Variants in DGKA observed in about 807,000 individuals in gnomAD.
DGKA encodes the protein diacylglycerol kinase alpha, also known as 80 kDa diacylglycerol kinase.
DGKA carries 35 observed loss-of-function variants against 105.0 expected under a neutral mutation model. That is an observed-to-expected ratio of 0.33 (90% CI 0.25 to 0.44). The LOEUF (loss-of-function observed/expected upper bound fraction) is 0.44, where lower values mean the gene tolerates loss of function less well. Among genes scored for constraint, DGKA ranks in the 20% least tolerant of loss-of-function variants. DGKA has a pLI of 1.00. For missense variants in DGKA, 665 were observed against 915.0 expected (o/e 0.73, Z 3.53); for synonymous variants, 296 against 332.0 (o/e 0.89, Z 1.18).
At chr12:55,948,228 C>T (rs1040193920) in intron 17 of DGKA, among the ~76,000 whole-genome samples, 4 of 150,672 alleles carry the variant, frequency 2.7e-5, no homozygotes, top group African/African-American at 9.8e-5. Context: ...GGTGAAACCC[C>T]GTCTCTACTA....
chr12:55,952,259 G>A lies in DGKA; in HGVS notation c.1653-82G>A, dbSNP rs954972057. 8.6e-6 allele frequency: 13 copies of A among 1,518,416 alleles called. No individual in the cohort carries two copies. Among genetic ancestry groups the A allele is most frequent in the African/African-American group, 1.4e-5 (1 of 72,866 alleles). 94.1% of individuals were successfully genotyped at this position (1,518,416 alleles called of 1,614,324 possible). On this transcript the variant is annotated intron_variant, in intron 19 of 23. Transcript: ENST00000331886. This position sits in a 1 kb window ranked among gnomAD's most constrained non-coding sequence, Gnocchi z 5.1. ...ATGGGACTAAAGTTAGGAGGTTGAT[G>A]CCCTTCCCTGTCACGTACCACCCCT...
At chr12:55,941,137 A>C in intron 13 of DGKA, 115 bp from the exon 14 acceptor site, 1 of 1,360,168 alleles carries the variant, frequency 7.4e-7, no homozygotes, top group Admixed American at 2.0e-5. Context: ...GGGAAACAGG[A>C]GGGAGGGGGG....
chr12:55,929,485 A>C (rs190115993), upstream of DGKA: 3 of 152,238 alleles, frequency 2.0e-5, no homozygotes, highest in Non-Finnish European at 4.4e-5. Flanking sequence ...CTGCCTCAGC[A>C]CTAGGGTTGA....
Position 55,952,544 on chromosome 12 carries a change from C to T in DGKA, c.1743+113C>T, listed in dbSNP as rs1888373337. On this transcript the variant is annotated intron_variant, in intron 20 of 23. Transcript: ENST00000331886. This position sits in a 1 kb window ranked among gnomAD's most constrained non-coding sequence, Gnocchi z 5.1. ...TATTCTTGAACCTATGCTTCTTTAA[C>T]CTCCCAGCTCTCCTACCCCAATTCT... 2.4e-6 allele frequency: 3 copies of T among 1,244,188 alleles called. No individual in the cohort carries two copies. Among genetic ancestry groups the T allele is most frequent in the Non-Finnish European group, 3.5e-6 (3 of 856,624 alleles). 77.1% of individuals were successfully genotyped at this position (1,244,188 alleles called of 1,614,324 possible). A position where few individuals can be genotyped will look rare whatever the true frequency, so the allele number is the denominator to read the frequency against.
intron 9 of DGKA, 187 bp from the exon 10 acceptor site, chr12:55,939,895 G>C (rs1292217009): frequency 1.6e-6 from 1 of 617,528 alleles, no homozygotes; most frequent in African/African-American, 1.8e-5. Flanking sequence ...TGCAGTAGCA[G>C]CTGATCTTTT....
intron 17 of DGKA, among the ~76,000 whole-genome samples, chr12:55,943,634 ACTCTTTTTTTTTCTTTT>A (rs1886449430): frequency 6.7e-6 from 1 of 150,262 alleles, no homozygotes; most frequent in South Asian, 2.1e-4. Context: ...CTATGAGCAA[ACTCTTTTTTTTTCTTTT>A]CTCTTTTTTT....
chr12:55,928,139 A>G (rs972361153), upstream of DGKA: 3 of 240,000 alleles, frequency 1.3e-5, no homozygotes, highest in African/African-American at 6.8e-5. Flanking sequence ...CTTCAGGGCT[A>G]AGTCCTGTTA....
rs372514317 is a variant in DGKA at position 55,934,104 on chromosome 12, ACTT to A, written c.-81-2316_-81-2314del. On this transcript the variant is annotated intron_variant, in intron 1 of 23. Transcript: ENST00000331886. ...ATTCTCTTAACTTCTACTGTATACT[ACTT>A]CTCCAGGTTTAAGACCTGGGGAGCT... Among the ~76,000 whole-genome samples the A allele has an allele frequency of 4.5e-4, 68 of 152,214 alleles. 1 individual carries two copies. Among genetic ancestry groups the A allele is most frequent in the African/African-American group, 1.5e-3 (62 of 41,530 alleles).
At chr12:55,934,506 G>A (rs1378662330) in intron 1 of DGKA, among the ~76,000 whole-genome samples, 1 of 152,174 alleles carries the variant, frequency 6.6e-6, no homozygotes, top group Non-Finnish European at 1.5e-5. Context: ...AAAGTAGGCA[G>A]CAGAGATGTC....
At chr12:55,937,870 A>G (rs1885074407) in intron 4 of DGKA, 108 bp from the exon 5 acceptor site, 1 of 1,044,520 alleles carries the variant, frequency 9.6e-7, no homozygotes, top group Admixed American at 2.2e-5. Flanking sequence ...TCTCAAAAAA[A>G]TCAGTAAATC....
chr12:55,950,032 T>G (rs1887834188), intron 17 of DGKA, among the ~76,000 whole-genome samples: 1 of 151,860 alleles, frequency 6.6e-6, no homozygotes, highest in African/African-American at 2.4e-5. Flanking sequence ...TGGAGTGCAG[T>G]GGCGCAATCT....
chr12:55,940,888 C>T lies in DGKA; in HGVS notation c.1018-9C>T, dbSNP rs539111974. 2.2e-5 allele frequency: 36 copies of T among 1,613,890 alleles called. No homozygotes were observed. The South Asian group carries it at 3.8e-4, about 17-fold the overall frequency. On this transcript the variant is annotated splice_polypyrimidine_tract_variant and intron_variant, in intron 12 of 23. Coordinates refer to ENST00000331886, the MANE Select transcript of DGKA (RefSeq NM_001345.5). This position sits in a 1 kb window ranked among gnomAD's most constrained non-coding sequence, Gnocchi z 4.3. ...AGCTTTTCTTCCCTCTACTTTCTTC[C>T]CCTCCCAGGCCTCTGGACCGGATCG...
intron 23 of DGKA, 79 bp downstream of exon 23, chr12:55,953,489 C>T (rs375984974): frequency 2.0e-6 from 3 of 1,475,980 alleles, no homozygotes; most frequent in Admixed American, 1.7e-5. Flanking sequence ...AGCTTCTTTA[C>T]ACCCTTCTGA....
Position 55,952,310 on chromosome 12 carries a change from C to T in DGKA, c.1653-31C>T. On this transcript the variant is annotated intron_variant, in intron 19 of 23. Transcript: ENST00000331886. This position sits in a 1 kb window ranked among gnomAD's most constrained non-coding sequence, Gnocchi z 5.1. ...GCCAGCACTGTGTAACCTGTCCCTC[C>T]CTACTGGGCCTTGTGTTGGGGCTGA... 3 of 1,609,076 alleles carry T rather than the reference C, an allele frequency of 1.9e-6. No homozygotes were observed. Among genetic ancestry groups the T allele is most frequent in the Non-Finnish European group, 2.6e-6 (3 of 1,175,494 alleles).
At position 55,940,356 on chromosome 12, in the gene DGKA, C is replaced by A. The variant is rs758054607; in HGVS notation, c.841C>A (p.Arg281Ser). The A allele has an allele frequency of 1.2e-6, 2 of 1,614,128 alleles. No homozygotes were observed. The highest frequency in any genetic ancestry group is 4.5e-5 in the East Asian group (2 of 44,900). The change falls in exon 11 of 24, where the codon CGC becomes AGC. Residue 281 changes from arginine to serine, a missense_variant. By Grantham distance (110) the Arg-to-Ser change is moderately radical. Around this residue, in one of 3 missense-constraint regions of DGKA, gnomAD observed 504 missense variants for 681.2 expected, o/e 0.74. Transcript: ENST00000331886. The surrounding 1 kb of genome is among the most constrained non-coding windows in gnomAD (Gnocchi z 4.3). ...VWVRGGCESG[R>S]CDRCQKKIRI... ...GGTGCGAGGAGGCTGTGAGTCCGGG[C>A]GCTGCGACCGCTGTCAGAAAAAGAT...
At chr12:55,927,822 G>C, upstream of DGKA, 1 of 1,518,186 alleles carries the variant, frequency 6.6e-7, no homozygotes. Flanking sequence ...GCCCCGCTGG[G>C]CGGCGCCGGG....
rs1016460087 is a variant in DGKA at position 55,942,278 on chromosome 12, A to ATT, written c.1426+16_1426+17dup. 23 of 1,613,494 alleles carry ATT rather than the reference A, an allele frequency of 1.4e-5. No homozygotes were observed. Among genetic ancestry groups the ATT allele is most frequent in the Non-Finnish European group, 1.9e-5 (22 of 1,179,566 alleles). The stretch of plus-strand genomic sequence containing the variant: ...ATGGGGAGGAGGTAAGTGGTTAGAA[A>ATT]TTGTTTTGCTGTAGGCTGAGAGGAG... On this transcript the variant is annotated intron_variant, in intron 17 of 23. Coordinates refer to ENST00000331886, the MANE Select transcript of DGKA (RefSeq NM_001345.5).
rs965497215 is a variant in DGKA, at chr12:55,942,320, A to G, written c.1426+57A>G. On this transcript the variant is annotated intron_variant, in intron 17 of 23. Transcript: ENST00000331886. ...TGAGAGGAGTTGTGTAGGAAGGGAA[A>G]GGCACTTAGAGAAGAAACTAGGCAT... 4.6e-6 allele frequency: 7 copies of G among 1,531,100 alleles called. No homozygotes were observed. In the African/African-American group the frequency reaches 6.8e-5, roughly 15 times the overall value. The allele number at this position is 1,531,100 out of a possible 1,614,324, so 94.8% of individuals were successfully genotyped here.
chr12:55,941,015 G>T, intron 13 of DGKA, 35 bp downstream of exon 13: 7 of 1,604,106 alleles, frequency 4.4e-6, no homozygotes, highest in Non-Finnish European at 6.0e-6. Flanking sequence ...TCATGATGGG[G>T]GCAGGTTTTT....
Sources: gnomAD v4.1 joint callset for allele counts (sites outside exome capture counted in the v4.1 genomes callset) on GRCh38, gnomAD v4.1.1 for gene constraint, gnomAD v4.1.1 regional missense constraint, Gnocchi (gnomAD v3.1) non-coding constraint, MANE v1.5 for transcripts, NCBI Gene and HGNC (gene_info 2026-07-23, HGNC 2026-07-21) for gene names.